The following PIK3C2G variants were observed in gnomAD, a reference collection of about 807,000 sequenced individuals.
The protein encoded by PIK3C2G is phosphatidylinositol-4-phosphate 3-kinase catalytic subunit type 2 gamma.
A neutral mutation model predicts 181.1 loss-of-function variants in PIK3C2G; 168 were observed. The ratio of observed to expected loss-of-function variants is 0.93; its 90% confidence interval spans 0.82 to 1.05. The LOEUF (loss-of-function observed/expected upper bound fraction) is 1.05. Ranked by LOEUF, PIK3C2G falls within the 50% of genes least tolerant of loss-of-function variation. PIK3C2G has a pLI of 0.00. For synonymous variants in PIK3C2G, 573 were observed against 592.2 expected, an observed-to-expected ratio of 0.97 and a Z score of 0.47; for missense variants, 1,869 against 1,732.8, an observed-to-expected ratio of 1.08 and a Z score of -1.40.
chr12:18,514,420 C>A (rs1367428049), intron 24 of PIK3C2G, among the ~76,000 whole-genome samples: 1 of 151,762 alleles, frequency 6.6e-6, no homozygotes, highest in Non-Finnish European at 1.5e-5. Context: ...TCTTTGAATT[C>A]TTTCTTTAAT....
intron 8 of PIK3C2G, among the ~76,000 whole-genome samples, chr12:18,335,999 A>T (rs576609276): frequency 6.6e-6 from 1 of 151,794 alleles, no homozygotes; most frequent in African/African-American, 2.4e-5. Context: ...TTTACTTAGA[A>T]CAGATGAATG....
At chr12:18,482,939 G>T (rs977285396) in intron 18 of PIK3C2G, among the ~76,000 whole-genome samples, 6 of 152,158 alleles carry the variant, frequency 3.9e-5, no homozygotes, top group African/African-American at 1.2e-4. Flanking sequence ...AGAGTTATCT[G>T]ACCCCCAGTT....
intron 32 of PIK3C2G, among the ~76,000 whole-genome samples, chr12:18,645,780 C>T (rs954765221): frequency 1.3e-5 from 2 of 152,110 alleles, no homozygotes; most frequent in South Asian, 4.1e-4. Context: ...CAGTTGACAA[C>T]AGATTCATGA....
intron 18 of PIK3C2G, among the ~76,000 whole-genome samples, chr12:18,461,778 T>C: frequency 6.6e-6 from 1 of 152,240 alleles, no homozygotes; most frequent in East Asian, 1.9e-4. Context: ...TGCTGGCACC[T>C]TGACCTTGGA....
chr12:18,476,680 G>A (rs1176617619), intron 18 of PIK3C2G, among the ~76,000 whole-genome samples: 4 of 152,038 alleles, frequency 2.6e-5, no homozygotes, highest in Non-Finnish European at 5.9e-5. Flanking sequence ...GGTGAGAGAA[G>A]GGCCAAGGAT....
chr12:18,254,450 C>T (rs912285139), intron 1 of PIK3C2G, among the ~76,000 whole-genome samples: 2 of 151,846 alleles, frequency 1.3e-5, no homozygotes, highest in African/African-American at 2.4e-5. Context: ...TTCATATTCT[C>T]TGGGGAAAGT....
chr12:18,562,047 T>C (rs1348673228), intron 26 of PIK3C2G, among the ~76,000 whole-genome samples: 1 of 152,248 alleles, frequency 6.6e-6, no homozygotes, highest in African/African-American at 2.4e-5. Flanking sequence ...TTTGCGTTAC[T>C]TCTGGAATGT....
intron 18 of PIK3C2G, among the ~76,000 whole-genome samples, chr12:18,475,062 G>A (rs977358036): frequency 3.3e-5 from 5 of 151,942 alleles, no homozygotes; most frequent in African/African-American, 7.2e-5. Flanking sequence ...CACAAGAACC[G>A]AATGGTCCGG....
the PIK3C2G span, among the ~76,000 whole-genome samples, chr12:18,668,581 T>A: frequency 7.2e-5 from 11 of 152,036 alleles, no homozygotes; most frequent in Admixed American, 7.2e-4. Context: ...TGGACCATCA[T>A]CTTCTGGCAC....
chr12:18,289,648 T>A (rs1320698197), intron 3 of PIK3C2G, among the ~76,000 whole-genome samples: 3 of 152,066 alleles, frequency 2.0e-5, no homozygotes, highest in Admixed American at 2.0e-4. Flanking sequence ...CCTCCACAGA[T>A]CTACTGAATC....
chr12:18,666,346 G>T, the PIK3C2G span, among the ~76,000 whole-genome samples: 1 of 151,914 alleles, frequency 6.6e-6, no homozygotes, highest in Non-Finnish European at 1.5e-5. Context: ...CTGTCTACAA[G>T]ACACTCCTTA....
At chr12:18,511,401 A>G (rs546409330) in intron 24 of PIK3C2G, among the ~76,000 whole-genome samples, 1 of 152,086 alleles carries the variant, frequency 6.6e-6, no homozygotes, top group Non-Finnish European at 1.5e-5. Context: ...AGGAAAGTGG[A>G]TGCTGTTTTC....
chr12:18,656,125 T>C, the PIK3C2G span, among the ~76,000 whole-genome samples: 1 of 152,106 alleles, frequency 6.6e-6, no homozygotes, highest in Non-Finnish European at 1.5e-5. Flanking sequence ...AAAGTTCCAT[T>C]CTTCCACAAA....
At chr12:18,612,827 G>A (rs886684567) in intron 31 of PIK3C2G, among the ~76,000 whole-genome samples, 12 of 152,006 alleles carry the variant, frequency 7.9e-5, no homozygotes, top group African/African-American at 2.7e-4. Context: ...TTGATGAAAA[G>A]TATTGTTTAT....
At chr12:18,490,103 A>G (rs776057193) in intron 19 of PIK3C2G, among the ~76,000 whole-genome samples, 1 of 152,174 alleles carries the variant, frequency 6.6e-6, no homozygotes, top group Admixed American at 6.6e-5. Context: ...CTAATTAAGC[A>G]TAACTATATG....
chr12:18,562,974 C>T lies in PIK3C2G; in HGVS notation c.3780+82C>T, dbSNP rs1047461096. 5.8e-6 allele frequency: 5 copies of T among 866,754 alleles called. No homozygotes were observed. In the East Asian group the frequency reaches 1.1e-4, roughly 19 times the overall value. The allele number at this position is 866,754 out of a possible 1,614,324, so 53.7% of individuals were successfully genotyped here. On this transcript the variant is annotated intron_variant, in intron 27 of 32. Transcript: ENST00000538779. ...CTCTTCACTATGCTACACAGCCTTT[C>T]TTATAGCATAATTTTTTACTAAGCA...
chr12:18,715,452 G>T, the PIK3C2G span, among the ~76,000 whole-genome samples: 2 of 150,944 alleles, frequency 1.3e-5, no homozygotes, highest in Admixed American at 1.3e-4. Context: ...CCCAGACTGG[G>T]GTGCAGTGGC....
chr12:18,401,486 G>A (rs887487002), intron 16 of PIK3C2G, among the ~76,000 whole-genome samples: 8 of 152,058 alleles, frequency 5.3e-5, no homozygotes, highest in Non-Finnish European at 1.0e-4. Flanking sequence ...ATTCTAGCCG[G>A]TTTTTGCTGA....
chr12:18,381,350 G>T (rs1285433987), intron 13 of PIK3C2G, among the ~76,000 whole-genome samples: 2 of 151,694 alleles, frequency 1.3e-5, no homozygotes, highest in Non-Finnish European at 2.9e-5. Context: ...AAGTTTCCCA[G>T]GGGATTTAGT....
Sources: allele counts gnomAD v4.1 joint callset (sites outside exome capture counted in the v4.1 genomes callset), GRCh38; gene constraint gnomAD v4.1.1; transcripts MANE v1.5; gene names NCBI Gene and HGNC (gene_info 2026-07-23, HGNC 2026-07-21).